Variants in SPIDR observed in about 807,000 individuals in gnomAD.
The protein encoded by SPIDR is scaffold protein involved in DNA repair, also known as DNA repair-scaffolding protein.
SPIDR carries 93 observed loss-of-function variants against 104.6 expected under a neutral mutation model. That is an observed-to-expected ratio of 0.89 (90% confidence interval 0.75 to 1.06). The LOEUF (loss-of-function observed/expected upper bound fraction) is 1.06, where lower values mean the gene tolerates loss of function less well. SPIDR is among the 50% of genes least tolerant of loss of function. The probability of loss-of-function intolerance (pLI) is 0.00; values close to 1 mark genes in which losing one functional copy is unlikely to be tolerated. For missense variants in SPIDR, 1,154 were observed against 1,111.2 expected (o/e 1.04, Z -0.55); for synonymous variants, 431 against 416.9 (o/e 1.03, Z -0.41).
chr8:47,473,488 C>A (rs2154358743), intron 8 of SPIDR, among the ~76,000 whole-genome samples: 1 of 152,248 alleles, frequency 6.6e-6, no homozygotes, highest in South Asian at 2.1e-4. Context: ...CCTTTCCCAC[C>A]CCTGGTCTGC....
At chr8:47,488,661 G>T (rs1231362367) in intron 8 of SPIDR, among the ~76,000 whole-genome samples, 2 of 152,184 alleles carry the variant, frequency 1.3e-5, no homozygotes, top group African/African-American at 4.8e-5. Context: ...CCATGATCAA[G>T]TGGGCTTCAT....
chr8:47,581,739 T>TA (rs1337319702), intron 8 of SPIDR, among the ~76,000 whole-genome samples: 1 of 152,018 alleles, frequency 6.6e-6, no homozygotes, highest in East Asian at 1.9e-4. Flanking sequence ...AGCTAACCAT[T>TA]AAAAGAGGGA....
chr8:47,440,470 T>G lies in SPIDR; in HGVS notation c.1025T>G (p.Val342Gly). Residue 342 changes from valine to glycine, a missense_variant, in exon 8 of 20, where the codon GTT becomes GGT. Transcript: ENST00000297423. ...CCCAGGCCTGGAGCTGGCCTGAAAG[T>G]TCTCTTCACCAAGGAGACTGCAGGC... ...VAPRPGAGLK[V>G]LFTKETAGYL... 1 of 1,614,204 alleles carries G rather than the reference T, an allele frequency of 6.2e-7. No homozygotes were observed. Among genetic ancestry groups the G allele is most frequent in the Non-Finnish European group, 8.5e-7 (1 of 1,180,030 alleles).
chr8:47,503,537 C>T (rs912727154), intron 8 of SPIDR, among the ~76,000 whole-genome samples: 18 of 152,094 alleles, frequency 1.2e-4, no homozygotes, highest in South Asian at 6.3e-4. Context: ...TGTCTCTGCA[C>T]GTGAGATGGG....
chr8:47,565,422 A>T (rs546537552), intron 8 of SPIDR, among the ~76,000 whole-genome samples: 2 of 152,334 alleles, frequency 1.3e-5, no homozygotes, highest in Non-Finnish European at 2.9e-5. Context: ...TAACATTTTA[A>T]AAGTGAAAAT....
chr8:47,717,275 C>CA (rs1207923252), intron 16 of SPIDR, among the ~76,000 whole-genome samples: 1 of 152,180 alleles, frequency 6.6e-6, no homozygotes, highest in Non-Finnish European at 1.5e-5. Context: ...GTTCTTCTCC[C>CA]ACCCCCTCAG....
chr8:47,266,667 A>G (rs1008658043), intron 1 of SPIDR, among the ~76,000 whole-genome samples: 3 of 152,168 alleles, frequency 2.0e-5, no homozygotes, highest in African/African-American at 4.8e-5. Flanking sequence ...TTGATGTTTA[A>G]CTCTATAAGA....
At chr8:47,335,363 G>A (rs1403144052) in intron 5 of SPIDR, among the ~76,000 whole-genome samples, 1 of 152,120 alleles carries the variant, frequency 6.6e-6, no homozygotes, top group African/African-American at 2.4e-5. Flanking sequence ...CAGTTTTGAA[G>A]TATGATTTTA....
At chr8:47,499,504 C>T (rs1425522604) in intron 8 of SPIDR, among the ~76,000 whole-genome samples, 3 of 151,240 alleles carry the variant, frequency 2.0e-5, no homozygotes, top group East Asian at 1.9e-4. Flanking sequence ...AGCACCATGA[C>T]TTTCAGAAGT....
intron 7 of SPIDR, 90 bp from the exon 8 acceptor site, chr8:47,440,233 T>C: frequency 8.8e-7 from 1 of 1,141,638 alleles, no homozygotes; most frequent in Non-Finnish European, 1.3e-6. Context: ...GCTATCTGCA[T>C]GTGGATCTTT....
chr8:47,685,517 A>ATTTTTATTTTTT (rs1554577046), intron 11 of SPIDR, among the ~76,000 whole-genome samples: 1 of 130,098 alleles, frequency 7.7e-6, no homozygotes, highest in Non-Finnish European at 1.7e-5. Flanking sequence ...TTATTTATTT[A>ATTTTTATTTTTT]TTTTTTTGAG....
intron 11 of SPIDR, among the ~76,000 whole-genome samples, chr8:47,691,027 C>T (rs1047786074): frequency 7.9e-5 from 12 of 152,090 alleles, no homozygotes; most frequent in African/African-American, 2.7e-4. Context: ...TGCAGTGGCT[C>T]ATGCCTGTAA....
chr8:47,388,541 A>G (rs1554649627), intron 5 of SPIDR: 1 of 154,168 alleles, frequency 6.5e-6, no homozygotes, highest in Non-Finnish European at 1.5e-5. Flanking sequence ...GAGGTTTGTC[A>G]TTAGTGTAGC....
intron 5 of SPIDR, among the ~76,000 whole-genome samples, chr8:47,372,136 G>A (rs2058111010): frequency 6.6e-6 from 1 of 152,090 alleles, no homozygotes; most frequent in Non-Finnish European, 1.5e-5. Flanking sequence ...ATCTATTACA[G>A]CACCTGTGAC....
At chr8:47,329,110 G>A (rs1178037645) in intron 5 of SPIDR, among the ~76,000 whole-genome samples, 1 of 147,864 alleles carries the variant, frequency 6.8e-6, no homozygotes, top group Non-Finnish European at 1.5e-5. Flanking sequence ...TCACTCTGTC[G>A]CCCAGGCTGG....
At chr8:47,450,798 C>G (rs549064891) in intron 8 of SPIDR, among the ~76,000 whole-genome samples, 1 of 152,280 alleles carries the variant, frequency 6.6e-6, no homozygotes, top group African/African-American at 2.4e-5. Flanking sequence ...TAACTACCAA[C>G]CTGGAAGGAA....
chr8:47,716,135 T>C (rs1385774325), intron 16 of SPIDR, among the ~76,000 whole-genome samples: 1 of 152,024 alleles, frequency 6.6e-6, no homozygotes, highest in African/African-American at 2.4e-5. Flanking sequence ...TGGCTACTTT[T>C]TGTATTTTTA....
chr8:47,290,959 C>T (rs2039810936), intron 3 of SPIDR, 74 bp from the exon 4 acceptor site: 2 of 1,137,342 alleles, frequency 1.8e-6, no homozygotes, highest in Non-Finnish European at 2.5e-6. Flanking sequence ...GGCAAAATTA[C>T]ATGCATAAAA....
chr8:47,650,225 C>T (rs1286887162), intron 10 of SPIDR, among the ~76,000 whole-genome samples: 1 of 152,178 alleles, frequency 6.6e-6, no homozygotes, highest in African/African-American at 2.4e-5. Flanking sequence ...CTCCAAAAGA[C>T]ATCTAGATTT....
Sources: allele counts gnomAD v4.1 joint callset (sites outside exome capture counted in the v4.1 genomes callset), GRCh38; gene constraint gnomAD v4.1.1; transcripts MANE v1.5; gene names NCBI Gene and HGNC (gene_info 2026-07-23, HGNC 2026-07-21).